KIRREL2: variants seen among roughly 807,000 people sequenced by gnomAD.
The protein encoded by KIRREL2 is kin of IRRE-like protein 2.
KIRREL2 carries 56 observed loss-of-function variants against 73.4 expected under a neutral mutation model. The observed-to-expected ratio is 0.76, with a 90% CI of 0.62 to 0.95. The LOEUF (loss-of-function observed/expected upper bound fraction) is 0.95, where lower values mean the gene tolerates loss of function less well. Ranked by LOEUF, KIRREL2 falls within the 40% of genes least tolerant of loss-of-function variation. KIRREL2 has a pLI of 0.00. For synonymous variants in KIRREL2, 407 were observed against 404.0 expected, an observed-to-expected ratio of 1.01 and a Z score of -0.09; for missense variants, 896 against 935.0, an observed-to-expected ratio of 0.96 and a Z score of 0.54.
chr19:35,853,493 A>G (rs555085447), upstream of KIRREL2, among the ~76,000 whole-genome samples: 2 of 151,310 alleles, frequency 1.3e-5, no homozygotes, highest in East Asian at 1.9e-4. Context: ...CCCTCCCTCT[A>G]TCTATCTTGA....
intron 13 of KIRREL2, 53 bp downstream of exon 13, chr19:35,863,089 C>A: frequency 9.7e-7 from 1 of 1,035,882 alleles, no homozygotes; most frequent in Non-Finnish European, 1.5e-6. Flanking sequence ...TAAATAATAG[C>A]CCAGTCCCAA....
chr19:35,858,750 G>A lies in KIRREL2; in HGVS notation c.408G>A (p.Leu136=). 6.2e-7 allele frequency: 1 copy of A among 1,614,202 alleles called. No individual in the cohort carries two copies. ...PQVLGGPSVS[L]VAGVPANLTC... ...TGCTGGGCGGCCCCTCTGTGTCTCT[G>A]GTTGCTGGAGTTCCTGCGAACCTGA... The change falls in exon 4 of 15, where the codon CTG becomes CTA. Residue 136 remains leucine, a synonymous_variant. Transcript: ENST00000360202.
upstream of KIRREL2, among the ~76,000 whole-genome samples, chr19:35,853,644 C>A (rs2146837987): frequency 6.6e-6 from 1 of 152,142 alleles, no homozygotes; most frequent in African/African-American, 2.4e-5. Flanking sequence ...GCTGGGACTA[C>A]AGGTGCACAC....
At chr19:35,851,898 C>T (rs75799457), upstream of KIRREL2, 3,327 of 1,456,974 alleles carry the variant, frequency 2.3e-3, 73 homozygotes, top group East Asian at 0.061. Context: ...GTCTGTCTGG[C>T]TTTCTCTGGG....
chr19:35,861,763 C>G (rs1224869490), intron 10 of KIRREL2, 42 bp from the exon 11 acceptor site: 2 of 1,583,618 alleles, frequency 1.3e-6, no homozygotes, highest in Admixed American at 3.6e-5. Flanking sequence ...TCTTCCTCCC[C>G]TCCTCAGTCT....
chr19:35,862,089 C>T, intron 11 of KIRREL2, 65 bp downstream of exon 11: 1 of 1,401,198 alleles, frequency 7.1e-7, no homozygotes, highest in Non-Finnish European at 9.8e-7. Context: ...AGGGATCCCC[C>T]AGCCGAGGGC....
At position 35,858,759 on chromosome 19, in the gene KIRREL2, A is replaced by G. The variant is rs775481699; in HGVS notation, c.417A>G (p.Gly139=). The change falls in exon 4 of 15, where the codon GGA becomes GGG. Residue 139 remains glycine (G), a synonymous_variant. Coordinates refer to ENST00000360202, the MANE Select transcript of KIRREL2 (RefSeq NM_199180.4). ...GCCCCTCTGTGTCTCTGGTTGCTGGAGTTCCTGCGAACCTGACATGTCGGA... is the reference window on the plus strand; with the variant it reads ...GCCCCTCTGTGTCTCTGGTTGCTGGGGTTCCTGCGAACCTGACATGTCGGA... The part of the protein sequence containing the change: ...LGGPSVSLVA[G]VPANLTCRSR... The G allele has an allele frequency of 1.2e-6, 2 of 1,614,044 alleles. No homozygotes were observed. Among genetic ancestry groups the G allele is most frequent in the Admixed American group, 3.3e-5 (2 of 59,994 alleles).
intron 13 of KIRREL2, among the ~76,000 whole-genome samples, chr19:35,863,964 C>T (rs900458732): frequency 4.0e-5 from 6 of 151,626 alleles, no homozygotes; most frequent in Admixed American, 1.3e-4. Context: ...TTAGTAGAGA[C>T]GAGGTGTATA....
Position 35,861,634 on chromosome 19 carries a change from A to G in KIRREL2, c.1283A>G (p.Asp428Gly). The G allele has an allele frequency of 6.2e-7, 1 of 1,612,614 alleles. No individual in the cohort carries two copies. The highest frequency in any genetic ancestry group is 8.5e-7 in the Non-Finnish European group (1 of 1,179,458). The change falls in exon 10 of 15, where the codon GAT becomes GGT. Residue 428 changes from aspartate to glycine, a missense_variant. Physicochemically the swap from Asp to Gly is moderately conservative, Grantham distance 94. Transcript: ENST00000360202. ...CTGGTTTTCGCCTCTCCCGCCCCAG[A>G]TGCCGTGGTAAGGAAATGTCACTCC... ...QCLVFASPAP[D>G]AVVWSWDEGF...
At chr19:35,851,463 C>A (rs1973258948), upstream of KIRREL2, 1 of 1,613,508 alleles carries the variant, frequency 6.2e-7, no homozygotes. Context: ...TTACCTCTAG[C>A]AGGGTCCCCT....
At position 35,857,013 on chromosome 19, in the gene KIRREL2, C is replaced by A; in HGVS notation, c.-107C>A. The A allele has an allele frequency of 8.7e-7, 1 of 1,149,594 alleles. No homozygotes were observed. Among genetic ancestry groups the A allele is most frequent in the Non-Finnish European group, 1.3e-6 (1 of 762,726 alleles). The allele number at this position is 1,149,594 out of a possible 1,614,324, so 71.2% of individuals were successfully genotyped here. The stretch of plus-strand genomic sequence containing the variant: ...CCAGAGACTAGGCTGGGCGAAGAGT[C>A]GAGCGTGAAGGGGGCTCCGGGCCAG... On this transcript the variant is annotated 5_prime_UTR_variant, in exon 1 of 15. Coordinates refer to ENST00000360202, the MANE Select transcript of KIRREL2 (RefSeq NM_199180.4).
upstream of KIRREL2, chr19:35,856,843 A>C: frequency 1.2e-5 from 6 of 505,378 alleles, no homozygotes; most frequent in Non-Finnish European, 1.1e-5. This position sits in a 1 kb window ranked among gnomAD's most constrained non-coding sequence, Gnocchi z 5.9. Flanking sequence ...CTCAACGGGA[A>C]GAGGGCGGAG....
chr19:35,855,169 A>G (rs534845548), upstream of KIRREL2, among the ~76,000 whole-genome samples: 8 of 150,458 alleles, frequency 5.3e-5, 1 homozygote, highest in Admixed American at 4.6e-4. Context: ...CCCTCTCCCA[A>G]CTGCTCTCTA....
At position 35,859,514 on chromosome 19, in the gene KIRREL2, G is replaced by A. The variant is rs1238380158; in HGVS notation, c.556G>A (p.Glu186Lys). The A allele has an allele frequency of 6.2e-7, 1 of 1,614,128 alleles. No individual in the cohort carries two copies. Among genetic ancestry groups the A allele is most frequent in the Non-Finnish European group, 8.5e-7 (1 of 1,179,988 alleles). Residue 186 changes from glutamate to lysine, a missense_variant, in exon 5 of 15, where the codon GAG (glutamate) becomes AAG (lysine). By Grantham distance (56) the Glu-to-Lys change is moderately conservative. Coordinates refer to ENST00000360202, the MANE Select transcript of KIRREL2 (RefSeq NM_199180.4). Reference sequence around the variant, plus strand: ...GAAGGAAGGGACCCCTGGGTCAGTGGAGAGCACCTTAACCCTGACCCCTTT... The same window carrying A: ...GAAGGAAGGGACCCCTGGGTCAGTGAAGAGCACCTTAACCCTGACCCCTTT... ...LLKEGTPGSV[E>K]STLTLTPFSH... is the part of the protein sequence containing the mutation.
chr19:35,851,681 A>C (rs551940702), upstream of KIRREL2: 22 of 1,609,478 alleles, frequency 1.4e-5, no homozygotes, highest in Non-Finnish European at 1.7e-5. Flanking sequence ...GCCTGAGGAC[A>C]CAGCGCGGTG....
chr19:35,853,147 C>A (rs987398389), upstream of KIRREL2, among the ~76,000 whole-genome samples: 2 of 152,116 alleles, frequency 1.3e-5, no homozygotes, highest in Non-Finnish European at 1.5e-5. Flanking sequence ...GGGATCTCTG[C>A]TGGGGAGGAT....
rs1410105963 is a variant in KIRREL2 at position 35,862,611 on chromosome 19, C to T, written c.1615+14C>T. The T allele has an allele frequency of 1.3e-6, 2 of 1,586,772 alleles. No homozygotes were observed. Among genetic ancestry groups the T allele is most frequent in the Non-Finnish European group, 1.7e-6 (2 of 1,164,082 alleles). ...GCCACAGCAAGGGTTAGTGCCTGAG[C>T]CCCGCCCCGGCTCCCGAGGCCCCAG... On this transcript the variant is annotated intron_variant, in intron 12 of 14. Coordinates refer to ENST00000360202, the MANE Select transcript of KIRREL2 (RefSeq NM_199180.4).
At position 35,860,953 on chromosome 19, in the gene KIRREL2, GT is replaced by G; in HGVS notation, c.974del (p.Val325GlyfsTer19). On this transcript the variant is annotated frameshift_variant, in exon 8 of 15. Coordinates refer to ENST00000360202, the MANE Select transcript of KIRREL2 (RefSeq NM_199180.4). LOFTEE classifies it high-confidence loss of function. The stretch of plus-strand genomic sequence containing the variant: ...AAAGCCGGAGCCCGTGTCCGTGGAC[GT>G]GGGGGAAGACGCTTCCTTCAGCTGC... ...QAKPEPVSVDVGEDASFSCAW... is the reference protein window; with the variant it reads ...QAKPEPVSVDXGEDASFSCAW... The G allele has an allele frequency of 2.5e-6, 4 of 1,614,036 alleles. No homozygotes were observed. Among genetic ancestry groups the G allele is most frequent in the Non-Finnish European group, 3.4e-6 (4 of 1,180,018 alleles).
At position 35,862,514 on chromosome 19, in the gene KIRREL2, T is replaced by C. The variant is rs1311664543; in HGVS notation, c.1532T>C (p.Ile511Thr). 2 of 1,610,200 alleles carry C rather than the reference T, an allele frequency of 1.2e-6. No homozygotes were observed. Among genetic ancestry groups the C allele is most frequent in the Middle Eastern group, 1.6e-4 (1 of 6,084 alleles). The change falls in exon 12 of 15, where the codon ATA becomes ACA. Residue 511 changes from isoleucine (I) to threonine (T), a missense_variant. Physicochemically the swap from Ile to Thr is moderately conservative, Grantham distance 89. Coordinates refer to ENST00000360202, the MANE Select transcript of KIRREL2 (RefSeq NM_199180.4). ...GRRDLLPTVRIVAGVAAATTT... is the reference protein window; with the variant it reads ...GRRDLLPTVRTVAGVAAATTT... ...GCAGACTTGCTGCCCACTGTGCGGA[T>C]AGTGGCCGGAGTGGCCGCTGCCACC...
Sources: allele counts gnomAD v4.1 joint callset (sites outside exome capture counted in the v4.1 genomes callset), GRCh38; gene constraint gnomAD v4.1.1; non-coding constraint Gnocchi (gnomAD v3.1); transcripts MANE v1.5; gene names NCBI Gene and HGNC (gene_info 2026-07-23, HGNC 2026-07-21).